The following EIF2AK1 variants were observed in gnomAD, a reference collection of about 807,000 sequenced individuals.
EIF2AK1 encodes the protein eukaryotic translation initiation factor 2-alpha kinase 1.
Under a neutral mutation model 77.9 loss-of-function variants are expected in EIF2AK1, and 54 were observed. That is an observed-to-expected ratio of 0.69 (90% CI 0.56 to 0.87). EIF2AK1 has a LOEUF of 0.87. Among genes scored for constraint, EIF2AK1 ranks in the 40% least tolerant of loss-of-function variants. The pLI, the probability that EIF2AK1 is intolerant of heterozygous loss-of-function variation, is 0.00. For missense variants in EIF2AK1, 810 were observed against 768.6 expected (o/e 1.05, Z -0.64); for synonymous variants, 314 against 290.5 (o/e 1.08, Z -0.82).
intron 1 of EIF2AK1, among the ~76,000 whole-genome samples, chr7:6,055,545 GGC>G (rs1788726922): frequency 1.3e-5 from 2 of 151,884 alleles, no homozygotes; most frequent in Admixed American, 1.3e-4. Context: ...CAGTGAACAA[GGC>G]AGATCAGACT....
rs1251971247 is a variant in EIF2AK1 at position 6,038,622 on chromosome 7, G to C, written c.1169C>G (p.Ser390Trp). 6.2e-7 allele frequency: 1 copy of C among 1,613,034 alleles called. No individual in the cohort carries two copies. Among genetic ancestry groups the C allele is most frequent in the African/African-American group, 1.3e-5 (1 of 74,838 alleles). Residue 390 changes from serine (S) to tryptophan (W), a missense_variant, in exon 10 of 15, where the codon TCG becomes TGG. Ser to Trp is a radical substitution (Grantham distance 177). Around this residue, in one of 3 missense-constraint regions of EIF2AK1, gnomAD observed 549 missense variants for 533.7 expected, o/e 1.03. Coordinates refer to ENST00000199389, the MANE Select transcript of EIF2AK1 (RefSeq NM_014413.4). ...TCTCTCGACTATCCAATCCCACAGC[G>C]AGAGCTCACACAGCTGCATCTGGAT... The part of the protein sequence containing the change: ...LHIQMQLCEL[S>W]LWDWIVERNK...
Position 6,027,484 on chromosome 7 carries a change from C to T in EIF2AK1, c.1531-523G>A, listed in dbSNP as rs1787781845. On this transcript the variant is annotated intron_variant, in intron 13 of 14. Coordinates refer to ENST00000199389, the MANE Select transcript of EIF2AK1 (RefSeq NM_014413.4). The surrounding 1 kb of genome is among the most constrained non-coding windows in gnomAD (Gnocchi z 4.5). ...TAGGGGCAGCCATCATTTTTTCTGA[C>T]AGCTCTTTCCTAATCACTAAAAAGC... 6.6e-6 allele frequency among the ~76,000 whole-genome samples: 1 copy of T among 152,150 alleles called. No homozygotes were observed. The highest frequency in any genetic ancestry group is 1.5e-5 in the Non-Finnish European group (1 of 68,032).
Position 6,023,796 on chromosome 7 carries a change from G to C in EIF2AK1, c.*877C>G. On this transcript the variant is annotated 3_prime_UTR_variant, in exon 15 of 15. Transcript: ENST00000199389. ...TTAGAGTCAGAGTCTTTTTATTTAG[G>C]CCAGTTGTCAAGTGTCAATAAAAGC... 6.3e-7 allele frequency: 1 copy of C among 1,589,324 alleles called. No individual in the cohort carries two copies. Among genetic ancestry groups the C allele is most frequent in the Admixed American group, 1.8e-5 (1 of 55,476 alleles).
In EIF2AK1 at chr7:6,023,394, C is replaced by T. The variant is rs772716032; in HGVS notation, c.*1279G>A. The T allele has an allele frequency of 6.2e-7, 1 of 1,614,018 alleles. No individual in the cohort carries two copies. Among genetic ancestry groups the T allele is most frequent in the South Asian group, 1.1e-5 (1 of 91,088 alleles). On this transcript the variant is annotated 3_prime_UTR_variant, in exon 15 of 15. Transcript: ENST00000199389. ...CACGTTTCTTGTTCTCTCTGTTTGG[C>T]CAGAAGCATAATGCTGTCAACGCAA...
At position 6,046,106 on chromosome 7, in the gene EIF2AK1, G is replaced by A; in HGVS notation, c.595C>T (p.Leu199=). 1 of 1,569,174 alleles carries A rather than the reference G, an allele frequency of 6.4e-7. No homozygotes were observed. The highest frequency in any genetic ancestry group is 8.6e-7 in the Non-Finnish European group (1 of 1,160,930). ...ACTGTTTTAGTTGCACCCTTAATCA[G>A]GATTTTTTTTATTGCATAATACTGA... The part of the protein sequence containing the change: ...DGQYYAIKKI[L]IKGATKTVCM... Residue 199 remains leucine, a synonymous_variant, in exon 6 of 15, where the codon CTG becomes TTG. Coordinates refer to ENST00000199389, the MANE Select transcript of EIF2AK1 (RefSeq NM_014413.4).
chr7:6,043,960 G>A (rs1046495787), intron 7 of EIF2AK1, among the ~76,000 whole-genome samples: 12 of 151,492 alleles, frequency 7.9e-5, no homozygotes, highest in South Asian at 4.2e-4. Context: ...TTAGCCAGGC[G>A]TGGCGGCACA....
rs369368549 is a variant in EIF2AK1 at position 6,026,571 on chromosome 7, C to T, written c.1764+157G>A. On this transcript the variant is annotated intron_variant, in intron 14 of 14. Coordinates refer to ENST00000199389, the MANE Select transcript of EIF2AK1 (RefSeq NM_014413.4). ...TGCCAGCACACCCTGCAGCTGAGTG[C>T]CAGGAAGTGGACGAGAACAAACAGG... 21 of 724,972 alleles carry T rather than the reference C, an allele frequency of 2.9e-5. No individual in the cohort carries two copies. The Middle Eastern group carries it at 3.4e-3, about 119-fold the overall frequency. 44.9% of individuals were successfully genotyped at this position (724,972 alleles called of 1,614,324 possible).
chr7:6,041,994 C>A (rs1788312677), intron 8 of EIF2AK1, among the ~76,000 whole-genome samples: 1 of 151,998 alleles, frequency 6.6e-6, no homozygotes, highest in Non-Finnish European at 1.5e-5. Flanking sequence ...ACAAAAAATA[C>A]AAAAATTAGC....
At chr7:6,040,358 T>C (rs1788261443) in intron 9 of EIF2AK1, among the ~76,000 whole-genome samples, 1 of 152,144 alleles carries the variant, frequency 6.6e-6, no homozygotes, top group Admixed American at 6.6e-5. Flanking sequence ...CGGCCTAATG[T>C]TCATGTTTTT....
chr7:6,053,436 A>T (rs1007083286), intron 2 of EIF2AK1, among the ~76,000 whole-genome samples: 8 of 152,256 alleles, frequency 5.3e-5, no homozygotes, highest in Admixed American at 5.2e-4. Flanking sequence ...ATCTCAGCTC[A>T]CTGCAACCTC....
chr7:6,051,191 A>G (rs1788598751), intron 2 of EIF2AK1, among the ~76,000 whole-genome samples: 1 of 152,174 alleles, frequency 6.6e-6, no homozygotes, highest in Non-Finnish European at 1.5e-5. Context: ...AGCTCCTTAG[A>G]AAAAGTAAGT....
At position 6,046,107 on chromosome 7, in the gene EIF2AK1, GATTT is replaced by G. The variant is rs1453212457; in HGVS notation, c.590_593del (p.Lys197ThrfsTer2). 6.4e-7 allele frequency: 1 copy of G among 1,568,792 alleles called. No homozygotes were observed. Among genetic ancestry groups the G allele is most frequent in the African/African-American group, 1.4e-5 (1 of 72,136 alleles). ...CTGTTTTAGTTGCACCCTTAATCAGGATTTTTTTTATTGCATAATACTGACCATC... is the reference window on the plus strand; with the variant it reads ...CTGTTTTAGTTGCACCCTTAATCAGGTTTTTATTGCATAATACTGACCATC... On this transcript the variant is annotated frameshift_variant, in exon 6 of 15. Transcript: ENST00000199389. LOFTEE classifies it high-confidence loss of function.
At chr7:6,046,879 G>T in intron 5 of EIF2AK1, 113 bp downstream of exon 5, 3 of 1,000,942 alleles carry the variant, frequency 3.0e-6, no homozygotes, top group Non-Finnish European at 4.3e-6. Context: ...CCAGCCTGGC[G>T]ACAGAGCGAG....
chr7:6,048,946 C>A, intron 3 of EIF2AK1, 102 bp from the exon 4 acceptor site: 1 of 734,488 alleles, frequency 1.4e-6, no homozygotes, highest in Non-Finnish European at 2.2e-6. Flanking sequence ...AATGCATAAA[C>A]AATATTTTAA....
At position 6,023,124 on chromosome 7, in the gene EIF2AK1, T is replaced by G. The variant is rs1425153801; in HGVS notation, c.*1549A>C. 1.4e-6 allele frequency: 1 copy of G among 704,776 alleles called. No homozygotes were observed. Among genetic ancestry groups the G allele is most frequent in the East Asian group, 2.8e-5 (1 of 35,596 alleles). The allele number at this position is 704,776 out of a possible 1,614,324, so 43.7% of individuals were successfully genotyped here. A position where few individuals can be genotyped will look rare whatever the true frequency, so the allele number is the denominator to read the frequency against. On this transcript the variant is annotated 3_prime_UTR_variant, in exon 15 of 15. Coordinates refer to ENST00000199389, the MANE Select transcript of EIF2AK1 (RefSeq NM_014413.4). ...TTACTTTTTTAACATAGTTTGCACTTAAACCCTTTTCAGTAGTAAGCATCT... is the reference window on the plus strand; with the variant it reads ...TTACTTTTTTAACATAGTTTGCACTGAAACCCTTTTCAGTAGTAAGCATCT...
chr7:6,032,847 G>A lies in EIF2AK1; in HGVS notation c.1333-3815C>T. The A allele has an allele frequency of 6.4e-7, 1 of 1,550,892 alleles. No individual in the cohort carries two copies. The highest frequency in any genetic ancestry group is 8.7e-7 in the Non-Finnish European group (1 of 1,146,932). ...TTGTTTTCCCTCCAAAGCCGACAGA[G>A]TCTATCATCCCCATCCATCTGGCTG... is the stretch of plus-strand genomic sequence containing the variant. On this transcript the variant is annotated intron_variant, in intron 11 of 14. Transcript: ENST00000199389. This position sits in a 1 kb window ranked among gnomAD's most constrained non-coding sequence, Gnocchi z 4.3.
At position 6,022,517 on chromosome 7, in the gene EIF2AK1, T is replaced by A. The variant is rs1389283701; in HGVS notation, c.*2156A>T. 6.6e-6 allele frequency: 1 copy of A among 152,212 alleles called. No individual in the cohort carries two copies. Among genetic ancestry groups the A allele is most frequent in the African/African-American group, 2.4e-5 (1 of 41,448 alleles). The allele number at this position is 152,212 out of a possible 1,614,324, so 9.4% of individuals were successfully genotyped here. A position where few individuals can be genotyped will look rare whatever the true frequency, so the allele number is the denominator to read the frequency against. On this transcript the variant is annotated 3_prime_UTR_variant, in exon 15 of 15. Coordinates refer to ENST00000199389, the MANE Select transcript of EIF2AK1 (RefSeq NM_014413.4). ...GGTTTTGATAAGAGGCAGCAAGGGT[T>A]TAGGACATTCTGTGGCATACTGGCC...
In EIF2AK1 at chr7:6,025,912, T is replaced by C. The variant is rs554060689; in HGVS notation, c.1764+816A>G. Reference sequence around the variant, plus strand: ...CCTCCCAAAATCCCATGCCTGGGATTACAGGCATGAGCCACCCCGCCTGGC... The same window carrying C: ...CCTCCCAAAATCCCATGCCTGGGATCACAGGCATGAGCCACCCCGCCTGGC... On this transcript the variant is annotated intron_variant, in intron 14 of 14. Transcript: ENST00000199389. 5.9e-5 allele frequency among the ~76,000 whole-genome samples: 9 copies of C among 152,168 alleles called. No homozygotes were observed. In the East Asian group the frequency reaches 1.5e-3, roughly 26 times the overall value.
At position 6,041,100 on chromosome 7, in the gene EIF2AK1, G is replaced by A. The variant is rs769484636; in HGVS notation, c.911C>T (p.Ser304Leu). Residue 304 changes from serine (S) to leucine (L), a missense_variant, in exon 9 of 15, where the codon TCG becomes TTG. Transcript: ENST00000199389. Reference sequence around the variant, plus strand: ...GACTAAATTGGTGGTGTACTTCACCGACTTGTTATTCTGATTTTCAGTGTC... The same window carrying A: ...GACTAAATTGGTGGTGTACTTCACCAACTTGTTATTCTGATTTTCAGTGTC... Reference protein sequence around the residue: ...ESDTENQNNKSVKYTTNLVIR... With the variant: ...ESDTENQNNKLVKYTTNLVIR... 2.3e-5 allele frequency: 37 copies of A among 1,613,806 alleles called. No individual in the cohort carries two copies. Among genetic ancestry groups the A allele is most frequent in the Admixed American group, 1.7e-4 (10 of 59,960 alleles).
Sources: allele counts gnomAD v4.1 joint callset (sites outside exome capture counted in the v4.1 genomes callset), GRCh38; gene constraint gnomAD v4.1.1; regional missense constraint gnomAD v4.1.1; non-coding constraint Gnocchi (gnomAD v3.1); transcripts MANE v1.5; gene names NCBI Gene and HGNC (gene_info 2026-07-23, HGNC 2026-07-21).